The following COLEC12 variants were observed in gnomAD, a reference collection of about 807,000 sequenced individuals.
COLEC12 encodes the protein collectin-12.
A neutral mutation model predicts 71.1 loss-of-function variants in COLEC12; 33 were observed. The observed-to-expected ratio is 0.46, with a 90% confidence interval of 0.35 to 0.62. The LOEUF (loss-of-function observed/expected upper bound fraction) is 0.62, where lower values mean the gene tolerates loss of function less well. Ranked by LOEUF, COLEC12 falls within the 20% of genes least tolerant of loss-of-function variation. The probability of loss-of-function intolerance (pLI) is 0.00; values close to 1 mark genes in which losing one functional copy is unlikely to be tolerated. For missense variants in COLEC12, 765 were observed against 916.1 expected, an observed-to-expected ratio of 0.84 and a Z score of 2.13; for synonymous variants, 350 against 353.0, an observed-to-expected ratio of 0.99 and a Z score of 0.10.
At chr18:425,111 T>C (rs550783409) in intron 2 of COLEC12, among the ~76,000 whole-genome samples, 2 of 152,240 alleles carry the variant, frequency 1.3e-5, no homozygotes, top group South Asian at 4.1e-4. Flanking sequence ...AGATCTGTTC[T>C]TATTCTTCAA....
intron 2 of COLEC12, among the ~76,000 whole-genome samples, chr18:412,319 A>C (rs920953766): frequency 1.3e-5 from 2 of 152,172 alleles, no homozygotes; most frequent in Non-Finnish European, 2.9e-5. Context: ...GAGAGTTTTC[A>C]AGTGCTGAAA....
chr18:441,064 C>A (rs1397836113), intron 2 of COLEC12, among the ~76,000 whole-genome samples: 1 of 145,752 alleles, frequency 6.9e-6, no homozygotes, highest in African/African-American at 2.5e-5. Flanking sequence ...CTGGCTAACA[C>A]AGTGAAACCC....
intron 2 of COLEC12, among the ~76,000 whole-genome samples, chr18:438,179 T>C (rs1245536065): frequency 6.6e-6 from 1 of 152,152 alleles, no homozygotes; most frequent in African/African-American, 2.4e-5. Flanking sequence ...TATAAAAAAG[T>C]AGATATGAGT....
chr18:410,607 T>C (rs1474219826), intron 2 of COLEC12, among the ~76,000 whole-genome samples: 1 of 152,108 alleles, frequency 6.6e-6, no homozygotes, highest in Non-Finnish European at 1.5e-5. Context: ...GTATTTTTAG[T>C]AGAGACGGCG....
intron 2 of COLEC12, among the ~76,000 whole-genome samples, chr18:390,142 T>C (rs1251850916): frequency 6.6e-6 from 1 of 152,232 alleles, no homozygotes; most frequent in Non-Finnish European, 1.5e-5. Flanking sequence ...GACCTAGAAG[T>C]GCTTTGCCCA....
intron 2 of COLEC12, among the ~76,000 whole-genome samples, chr18:436,525 A>AGGGGG (rs10547166): frequency 7.1e-5 from 7 of 98,924 alleles, no homozygotes; most frequent in African/African-American, 8.5e-5. Context: ...CAAAAAAAAA[A>AGGGGG]GGGGGGGGGG....
rs1173243104 is a variant in COLEC12, at chr18:317,359, A to G, written c.*2686T>C. On this transcript the variant is annotated 3_prime_UTR_variant, in exon 10 of 10. Transcript: ENST00000400256. The stretch of plus-strand genomic sequence containing the variant: ...GCTATTAAGAAGGGCCCTTCCTTCT[A>G]AAGAAAATTAGAACATTTTCAAAGC... 1 of 152,220 alleles carries G rather than the reference A, an allele frequency of 6.6e-6. No individual in the cohort carries two copies. Among genetic ancestry groups the G allele is most frequent in the East Asian group, 1.9e-4 (1 of 5,202 alleles). The allele number at this position is 152,220 out of a possible 1,614,324, so 9.4% of individuals were successfully genotyped here. A position where few individuals can be genotyped will look rare whatever the true frequency, so the allele number is the denominator to read the frequency against.
chr18:419,326 C>T (rs1453651749), intron 2 of COLEC12, among the ~76,000 whole-genome samples: 1 of 152,198 alleles, frequency 6.6e-6, no homozygotes, highest in African/African-American at 2.4e-5. Flanking sequence ...CTGCCTCAGC[C>T]TCCTGAGTAG....
chr18:418,270 G>C (rs1916028350), intron 2 of COLEC12, among the ~76,000 whole-genome samples: 1 of 152,168 alleles, frequency 6.6e-6, no homozygotes, highest in Admixed American at 6.5e-5. Flanking sequence ...CCAAGTATTT[G>C]CCTAAAATAA....
intron 8 of COLEC12, among the ~76,000 whole-genome samples, chr18:326,121 A>G (rs1598325619): frequency 1.3e-5 from 2 of 152,326 alleles, no homozygotes; most frequent in Admixed American, 6.5e-5. Flanking sequence ...ATTTAAAACT[A>G]TAAGTGTCCC....
At chr18:365,336 C>G (rs1172475879) in intron 2 of COLEC12, among the ~76,000 whole-genome samples, 1 of 152,184 alleles carries the variant, frequency 6.6e-6, no homozygotes, top group East Asian at 1.9e-4. Context: ...ATGTTAGCCC[C>G]TCAGGGGAAT....
chr18:352,057 CAGTG>C (rs1203346403), intron 3 of COLEC12, among the ~76,000 whole-genome samples: 1 of 152,108 alleles, frequency 6.6e-6, no homozygotes, highest in Non-Finnish European at 1.5e-5. Context: ...TGAGCATTGG[CAGTG>C]AGTATGACAT....
intron 8 of COLEC12, among the ~76,000 whole-genome samples, chr18:328,970 T>G (rs1309371697): frequency 6.6e-6 from 1 of 152,222 alleles, no homozygotes; most frequent in African/African-American, 2.4e-5. Flanking sequence ...CCTGGGGATT[T>G]TTATGTTCCT....
intron 2 of COLEC12, among the ~76,000 whole-genome samples, chr18:458,693 G>A (rs757558390): frequency 8.5e-5 from 13 of 152,298 alleles, no homozygotes; most frequent in African/African-American, 2.6e-4. Context: ...CTAAACTGTC[G>A]TCTTCCAGAC....
intron 2 of COLEC12, among the ~76,000 whole-genome samples, chr18:465,404 A>C (rs1031413665): frequency 7.9e-5 from 12 of 152,106 alleles, no homozygotes; most frequent in African/African-American, 2.9e-4. Context: ...ACCCAGCCAA[A>C]ATTATTATGA....
At chr18:435,768 C>T (rs1291748958) in intron 2 of COLEC12, among the ~76,000 whole-genome samples, 1 of 152,170 alleles carries the variant, frequency 6.6e-6, no homozygotes, top group Non-Finnish European at 1.5e-5. Context: ...GCCTTTTACA[C>T]ATAAGTTGAA....
intron 4 of COLEC12, 72 bp from the exon 5 acceptor site, chr18:347,413 A>G (rs888122066): frequency 1.6e-6 from 2 of 1,287,134 alleles, no homozygotes; most frequent in East Asian, 4.6e-5. Context: ...AAGATCCCGA[A>G]CACACTTAAT....
intron 2 of COLEC12, among the ~76,000 whole-genome samples, chr18:404,222 A>G (rs1425401437): frequency 6.6e-6 from 1 of 152,148 alleles, no homozygotes; most frequent in Non-Finnish European, 1.5e-5. Flanking sequence ...TGGTTTGTTT[A>G]TTAGCAATTG....
chr18:428,589 AGGTCTTT>A (rs1418723661), intron 2 of COLEC12, among the ~76,000 whole-genome samples: 1 of 152,214 alleles, frequency 6.6e-6, no homozygotes, highest in Non-Finnish European at 1.5e-5. Context: ...GTTTAGGTAC[AGGTCTTT>A]GGGAGTTCAT....
Sources: allele counts gnomAD v4.1 joint callset (sites outside exome capture counted in the v4.1 genomes callset), GRCh38; gene constraint gnomAD v4.1.1; transcripts MANE v1.5; gene names NCBI Gene and HGNC (gene_info 2026-07-23, HGNC 2026-07-21).